The following FAAH2 variants were observed in gnomAD, a reference collection of about 807,000 sequenced individuals.
The protein encoded by FAAH2 is fatty-acid amide hydrolase 2.
FAAH2 carries 60 observed loss-of-function variants against 36.9 expected under a neutral mutation model. That is an observed-to-expected ratio of 1.63 (90% confidence interval 1.32 to 2.02). FAAH2 has a LOEUF of 2.02. Ranked by LOEUF, FAAH2 falls within the 30% of genes most tolerant of loss-of-function variation. The probability of loss-of-function intolerance (pLI) is 0.00; values close to 1 mark genes in which losing one functional copy is unlikely to be tolerated. For missense variants in FAAH2, 689 were observed against 397.5 expected, an observed-to-expected ratio of 1.73 and a Z score of -6.23; for synonymous variants, 214 against 143.8, an observed-to-expected ratio of 1.49 and a Z score of -3.49.
the FAAH2 span, among the ~76,000 whole-genome samples, chrX:57,280,535 T>TAA: frequency 0.36 from 37,262 of 104,599 alleles, 5,729 homozygotes; most frequent in Middle Eastern, 0.6. Flanking sequence ...GGCTAAAATT[T>TAA]AAAAAAAAAA....
At chrX:57,321,371 G>T (rs2053019158) in intron 3 of FAAH2, among the ~76,000 whole-genome samples, 1 of 109,294 alleles carries the variant, frequency 9.1e-6, no homozygotes, top group African/African-American at 3.3e-5. Context: ...AATACCTAAA[G>T]TAGATGACGT....
At chrX:57,252,122 G>A in the FAAH2 span, among the ~76,000 whole-genome samples, 1 of 112,683 alleles carries the variant, frequency 8.9e-6, no homozygotes, top group Non-Finnish European at 1.9e-5. Context: ...CGCTGCTAGT[G>A]AATCAATCTG....
chrX:57,262,119 C>G, the FAAH2 span, among the ~76,000 whole-genome samples: 17 of 110,736 alleles, frequency 1.5e-4, no homozygotes, highest in Non-Finnish European at 3.2e-4. Context: ...AACTAAAAAT[C>G]TCAGGCATTG....
intron 10 of FAAH2, among the ~76,000 whole-genome samples, chrX:57,474,628 T>A (rs779139881): frequency 1.8e-5 from 2 of 112,069 alleles, no homozygotes; most frequent in African/African-American, 6.5e-5. Flanking sequence ...TTTGGGTTAG[T>A]TCCAAGTCTT....
At chrX:57,253,674 T>G in the FAAH2 span, among the ~76,000 whole-genome samples, 1 of 111,470 alleles carries the variant, frequency 9.0e-6, no homozygotes, top group Admixed American at 9.6e-5. Flanking sequence ...AAACTAAGCT[T>G]CATAAGTGAA....
intron 5 of FAAH2, among the ~76,000 whole-genome samples, chrX:57,371,375 C>T (rs2054546275): frequency 2.7e-5 from 3 of 111,848 alleles, no homozygotes; most frequent in Non-Finnish European, 5.6e-5. Context: ...TGTTAGTTTG[C>T]TTAGGATATT....
At chrX:57,278,543 C>G in the FAAH2 span, among the ~76,000 whole-genome samples, 2 of 111,081 alleles carry the variant, frequency 1.8e-5, no homozygotes, top group Non-Finnish European at 3.8e-5. Context: ...GACTAAAACA[C>G]CAAAAGCAAT....
chrX:57,445,351 G>A (rs1054001527), intron 8 of FAAH2, among the ~76,000 whole-genome samples: 8 of 111,580 alleles, frequency 7.2e-5, no homozygotes, highest in Admixed American at 5.7e-4. Context: ...CAATATGAAG[G>A]AGTCTGTTTT....
At chrX:57,235,761 G>A in the FAAH2 span, among the ~76,000 whole-genome samples, 2 of 112,358 alleles carry the variant, frequency 1.8e-5, no homozygotes, top group Non-Finnish European at 3.8e-5. Context: ...ACAGTGTGAT[G>A]TTTCAACATG....
intron 3 of FAAH2, among the ~76,000 whole-genome samples, chrX:57,317,172 G>A (rs1334052164): frequency 1.2e-4 from 13 of 111,610 alleles, no homozygotes; most frequent in Non-Finnish European, 2.1e-4. Flanking sequence ...AACAATATTA[G>A]CCTTAAATGT....
chrX:57,253,537 C>G, the FAAH2 span, among the ~76,000 whole-genome samples: 1 of 111,654 alleles, frequency 9.0e-6, no homozygotes, highest in African/African-American at 3.3e-5. Flanking sequence ...AGGTTACCCG[C>G]AAAAGGAAGC....
chrX:57,304,066 G>T (rs1420183792), intron 2 of FAAH2, among the ~76,000 whole-genome samples: 1 of 111,291 alleles, frequency 9.0e-6, no homozygotes, highest in Non-Finnish European at 1.9e-5. Context: ...AATTACCTGG[G>T]TGTGGTGGCA....
chrX:57,153,390 A>T, the FAAH2 span, among the ~76,000 whole-genome samples: 1 of 111,927 alleles, frequency 8.9e-6, no homozygotes, highest in African/African-American at 3.2e-5. Context: ...GATGTGAGAT[A>T]CTATTCCATT....
intron 7 of FAAH2, among the ~76,000 whole-genome samples, chrX:57,389,620 T>C (rs1450529456): frequency 2.7e-5 from 3 of 110,474 alleles, no homozygotes; most frequent in African/African-American, 9.9e-5. Context: ...TATCCATCCA[T>C]CAACACACAC....
At chrX:57,453,734 G>C (rs1425857897) in intron 10 of FAAH2, among the ~76,000 whole-genome samples, 1 of 111,802 alleles carries the variant, frequency 8.9e-6, no homozygotes, top group Admixed American at 9.5e-5. Flanking sequence ...TTGAACCCCC[G>C]GAAAGCACCT....
At chrX:57,216,484 T>TTATATATATACGTATATGTATA in the FAAH2 span, among the ~76,000 whole-genome samples, 5 of 61,778 alleles carry the variant, frequency 8.1e-5, no homozygotes, top group African/African-American at 3.1e-4. Flanking sequence ...TAGTATTCTA[T>TTATATATATACGTATATGTATA]TATATATATA....
chrX:57,353,807 C>T (rs1246786648), intron 5 of FAAH2, among the ~76,000 whole-genome samples: 1 of 110,574 alleles, frequency 9.0e-6, no homozygotes, highest in East Asian at 2.8e-4. Context: ...AGACATTTTT[C>T]AAATAAAAGA....
chrX:57,186,787 C>G, the FAAH2 span, among the ~76,000 whole-genome samples: 1 of 111,910 alleles, frequency 8.9e-6, no homozygotes, highest in Non-Finnish European at 1.9e-5. Context: ...ATATGGCTAG[C>G]CAGTCTCCCC....
At chrX:57,161,398 C>T in the FAAH2 span, among the ~76,000 whole-genome samples, 94 of 111,036 alleles carry the variant, frequency 8.5e-4, no homozygotes, top group Non-Finnish European at 1.3e-3. Context: ...GAGCTGAGTT[C>T]GGCTCCTGGA....
Sources: allele counts gnomAD v4.1 joint callset (sites outside exome capture counted in the v4.1 genomes callset), GRCh38; gene constraint gnomAD v4.1.1; transcripts MANE v1.5; gene names NCBI Gene and HGNC (gene_info 2026-07-23, HGNC 2026-07-21).